Variants in SYNE1 observed in about 807,000 individuals in gnomAD.
SYNE1 encodes spectrin repeat containing nuclear envelope protein 1.
In SYNE1, 616 loss-of-function variants were observed where a neutral mutation model predicts 1,111.0. The observed-to-expected ratio is 0.55, with a 90% CI of 0.52 to 0.59. SYNE1 has a LOEUF of 0.59. Among genes scored for constraint, SYNE1 ranks in the 20% least tolerant of loss-of-function variants. The pLI is 0.00. For missense variants in SYNE1, 10,006 were observed against 10,417.0 expected, an observed-to-expected ratio of 0.96 and a Z score of 1.72; for synonymous variants, 3,855 against 3,825.8, an observed-to-expected ratio of 1.01 and a Z score of -0.28.
Position 152,309,978 on chromosome 6 carries a change from G to T in SYNE1, c.17059C>A (p.Gln5687Lys). 2 of 1,614,064 alleles carry T rather than the reference G, an allele frequency of 1.2e-6. No homozygotes were observed. The highest frequency in any genetic ancestry group is 2.2e-5 in the South Asian group (2 of 91,082). ...SEMESLKPKV[Q>K]AVQLCQSALR... Reference sequence around the variant, plus strand: ...GCACTCTGGCAGAGCTGCACTGCTTGCACCTTCGGCTTCAGTGACTCCATC... The same window carrying T: ...GCACTCTGGCAGAGCTGCACTGCTTTCACCTTCGGCTTCAGTGACTCCATC... The change falls in exon 90 of 146, where the codon CAA (glutamine) becomes AAA (lysine). Residue 5687 changes from glutamine to lysine, a missense_variant. Physicochemically the swap from Gln to Lys is moderately conservative, Grantham distance 53. Transcript: ENST00000367255.
At chr6:152,474,148 G>T (rs2098822478) in intron 14 of SYNE1, among the ~76,000 whole-genome samples, 1 of 151,246 alleles carries the variant, frequency 6.6e-6, no homozygotes, top group Non-Finnish European at 1.5e-5. Flanking sequence ...TCACACCATT[G>T]CACTCCAGCC....
chr6:152,260,392 C>T (rs1020444059), intron 101 of SYNE1, among the ~76,000 whole-genome samples: 2 of 152,122 alleles, frequency 1.3e-5, no homozygotes, highest in African/African-American at 4.8e-5. Flanking sequence ...GGAGGAGGTC[C>T]ACGCAAAAAG....
At chr6:152,438,883 G>GT in intron 32 of SYNE1, among the ~76,000 whole-genome samples, 1 of 152,288 alleles carries the variant, frequency 6.6e-6, no homozygotes, top group African/African-American at 2.4e-5. Context: ...AAATGGCTCT[G>GT]TTTTTTGAAT....
In SYNE1 at chr6:152,294,046, G is replaced by C. The variant is rs2094739578; in HGVS notation, c.17764C>G (p.Gln5922Glu). The change falls in exon 94 of 146, where the codon CAG (glutamine) becomes GAG (glutamate). Residue 5922 changes from glutamine (Q) to glutamate (E), a missense_variant. Coordinates refer to ENST00000367255, the MANE Select transcript of SYNE1 (RefSeq NM_182961.4). ...TCCAATCCCGGTTCATAGAACTCCT[G>C]GGATGCGGATGTGCTGGGGTGAATT... ...AKIHPSTSAS[Q>E]EFYEPGLEPS... 6.2e-7 allele frequency: 1 copy of C among 1,614,058 alleles called. No individual in the cohort carries two copies. The highest frequency in any genetic ancestry group is 8.5e-7 in the Non-Finnish European group (1 of 1,180,018).
intron 116 of SYNE1, among the ~76,000 whole-genome samples, chr6:152,225,281 ACACACACACACACACACACACG>A (rs1257681485): frequency 3.0e-5 from 2 of 66,764 alleles, no homozygotes; most frequent in African/African-American, 5.8e-5. Context: ...ATATGCGCAA[ACACACACACACACACACACACG>A]CACACACACA....
intron 52 of SYNE1, among the ~76,000 whole-genome samples, chr6:152,391,019 C>T (rs1334654952): frequency 2.6e-5 from 4 of 152,198 alleles, no homozygotes; most frequent in Non-Finnish European, 5.9e-5. Context: ...GTGCTTGGAG[C>T]AGAGTAGATA....
intron 3 of SYNE1, among the ~76,000 whole-genome samples, chr6:152,604,942 CACAAAGAAAGAAAGAA>C (rs1159963574): frequency 3.5e-4 from 41 of 116,858 alleles, no homozygotes; most frequent in African/African-American, 1.2e-3. Flanking sequence ...GACCCTATCT[CACAAAGAAAGAAAGAA>C]AGAAAGAAAG....
intron 47 of SYNE1, 68 bp downstream of exon 47, chr6:152,401,070 T>A: frequency 6.7e-7 from 1 of 1,496,546 alleles, no homozygotes; most frequent in Non-Finnish European, 9.3e-7. Flanking sequence ...TTTTTTATTA[T>A]AGTCACCACA....
At chr6:152,497,924 A>G (rs1297886274) in intron 11 of SYNE1, among the ~76,000 whole-genome samples, 1 of 152,174 alleles carries the variant, frequency 6.6e-6, no homozygotes, top group Non-Finnish European at 1.5e-5. Flanking sequence ...CTTTCACTTT[A>G]TTGTTTTTCT....
In SYNE1 at chr6:152,443,014, G is replaced by A. The variant is rs180808090; in HGVS notation, c.3838-769C>T. Among the ~76,000 whole-genome samples, 129 of 152,196 alleles carry A rather than the reference G, an allele frequency of 8.5e-4. 1 individual carries two copies. In the Middle Eastern group the frequency reaches 0.017, roughly 20 times the overall value. On this transcript the variant is annotated intron_variant, in intron 30 of 145. Coordinates refer to ENST00000367255, the MANE Select transcript of SYNE1 (RefSeq NM_182961.4). Reference sequence around the variant, plus strand: ...ATGGTTAATTTGCTGAGATTTTGTGGGGGGAAATTGTCTTAAAGTAAACTT... The same window carrying A: ...ATGGTTAATTTGCTGAGATTTTGTGAGGGGAAATTGTCTTAAAGTAAACTT...
chr6:152,556,462 A>G (rs2099365304), intron 3 of SYNE1, among the ~76,000 whole-genome samples: 1 of 152,158 alleles, frequency 6.6e-6, no homozygotes, highest in African/African-American at 2.4e-5. Context: ...TCTGTGTTTC[A>G]GGACTGCCCT....
rs116579646 is a variant in SYNE1 at position 152,470,829 on chromosome 6, T to G, written c.1632+768A>C. ...ACAAGACTAAGATACTCTATTAACA[T>G]TAATTTTATGAGCAAATTTGCATTG... On this transcript the variant is annotated intron_variant, in intron 16 of 145. Coordinates refer to ENST00000367255, the MANE Select transcript of SYNE1 (RefSeq NM_182961.4). 4.0e-3 allele frequency among the ~76,000 whole-genome samples: 615 copies of G among 152,302 alleles called. 4 individuals are homozygous for G. The highest frequency in any genetic ancestry group is 0.014 in the African/African-American group (583 of 41,580).
In SYNE1 at chr6:152,421,719, T is replaced by A. The variant is rs12195554; in HGVS notation, c.5268-1997A>T. Among the ~76,000 whole-genome samples the A allele has an allele frequency of 3.0e-3, 428 of 144,904 alleles. 1 individual carries two copies. The highest frequency in any genetic ancestry group is 4.1e-3 in the Non-Finnish European group (272 of 65,598). ...TATTTATTTATTTATTTATTTATTT[T>A]TTGGAGATGGAGTTTCACTCTTGTT... On this transcript the variant is annotated intron_variant, in intron 39 of 145. Transcript: ENST00000367255.
intron 87 of SYNE1, among the ~76,000 whole-genome samples, chr6:152,314,235 A>G (rs892407761): frequency 1.1e-4 from 17 of 152,254 alleles, no homozygotes; most frequent in Admixed American, 2.0e-4. Context: ...GAGTGACTTC[A>G]GGATAAAGTC....
intron 95 of SYNE1, among the ~76,000 whole-genome samples, chr6:152,288,671 C>T (rs1351847741): frequency 6.6e-6 from 1 of 152,190 alleles, no homozygotes; most frequent in African/African-American, 2.4e-5. Context: ...CTTAGCCTCT[C>T]AAGTAGCTGG....
chr6:152,268,124 G>T lies in SYNE1; in HGVS notation c.18747C>A (p.Arg6249=), dbSNP rs2092877282. 1 of 1,614,162 alleles carries T rather than the reference G, an allele frequency of 6.2e-7. No homozygotes were observed. The highest frequency in any genetic ancestry group is 1.3e-5 in the African/African-American group (1 of 75,050). The change falls in exon 100 of 146, where the codon CGC becomes CGA. Residue 6249 remains arginine (R), a synonymous_variant. Transcript: ENST00000367255. ...TCTCCTCTCCACGACTGGCTACTGAGCGAAGGAGACTCTTCTGCTCGGCTA... is the reference window on the plus strand; with the variant it reads ...TCTCCTCTCCACGACTGGCTACTGATCGAAGGAGACTCTTCTGCTCGGCTA... ...QELAEQKSLL[R]SVASRGEEIL...
At chr6:152,594,318 G>C (rs905979832) in intron 3 of SYNE1, among the ~76,000 whole-genome samples, 1 of 152,172 alleles carries the variant, frequency 6.6e-6, no homozygotes, top group African/African-American at 2.4e-5. Flanking sequence ...TCATGTGCAG[G>C]AACAGCCAGA....
intron 100 of SYNE1, among the ~76,000 whole-genome samples, chr6:152,263,495 A>G (rs905929971): frequency 1.3e-5 from 2 of 151,836 alleles, no homozygotes; most frequent in Admixed American, 6.6e-5. Flanking sequence ...GGCTCATGCA[A>G]TCCTCCCACC....
At chr6:152,160,159 A>G (rs959870353) in intron 131 of SYNE1, among the ~76,000 whole-genome samples, 10 of 152,068 alleles carry the variant, frequency 6.6e-5, no homozygotes, top group Admixed American at 2.0e-4. Context: ...GGCAAGCACC[A>G]CCATGCCCAG....
Sources: gnomAD v4.1 joint callset for allele counts (sites outside exome capture counted in the v4.1 genomes callset) on GRCh38, gnomAD v4.1.1 for gene constraint, MANE v1.5 for transcripts, NCBI Gene and HGNC (gene_info 2026-07-23, HGNC 2026-07-21) for gene names.